Variants in UPK1B observed in about 807,000 individuals in gnomAD.
UPK1B encodes the protein uroplakin 1B.
UPK1B carries 28 observed loss-of-function variants against 34.2 expected under a neutral mutation model. The observed-to-expected ratio is 0.82, with a 90% CI of 0.61 to 1.12. The LOEUF (loss-of-function observed/expected upper bound fraction) is 1.12, where lower values mean the gene tolerates loss of function less well. Among genes scored for constraint, UPK1B ranks in the 50% most tolerant of loss-of-function variants. The pLI, the probability that UPK1B is intolerant of heterozygous loss-of-function variation, is 0.00. For synonymous variants in UPK1B, 81 were observed against 110.4 expected, an observed-to-expected ratio of 0.73 and a Z score of 1.67; for missense variants, 325 against 320.9, an observed-to-expected ratio of 1.01 and a Z score of -0.10.
intron 6 of UPK1B, among the ~76,000 whole-genome samples, chr3:119,198,242 G>A (rs2078075359): frequency 6.6e-6 from 1 of 152,212 alleles, no homozygotes; most frequent in African/African-American, 2.4e-5. Context: ...AACCTCCTCT[G>A]GTAGTGGAAG....
chr3:119,184,649 C>G (rs999668912), intron 1 of UPK1B, among the ~76,000 whole-genome samples: 1 of 151,970 alleles, frequency 6.6e-6, no homozygotes, highest in African/African-American at 2.4e-5. Flanking sequence ...TAGCTTGAAC[C>G]TGAGAGGCGG....
At chr3:119,179,732 C>T (rs2107425530) in intron 1 of UPK1B, among the ~76,000 whole-genome samples, 1 of 142,940 alleles carries the variant, frequency 7.0e-6, no homozygotes, top group Middle Eastern at 3.8e-3. Flanking sequence ...TGGTCTCCAT[C>T]TCCTGACCTC....
chr3:119,203,830 G>A, intron 7 of UPK1B, 87 bp from the exon 8 acceptor site: 1 of 1,396,584 alleles, frequency 7.2e-7, no homozygotes, highest in South Asian at 1.2e-5. Flanking sequence ...ACCTAAGCCT[G>A]AATGAACCTA....
At chr3:119,177,919 T>G (rs745714465) in intron 1 of UPK1B, among the ~76,000 whole-genome samples, 10 of 152,082 alleles carry the variant, frequency 6.6e-5, no homozygotes, top group Non-Finnish European at 1.2e-4. Flanking sequence ...GAGAGGGATA[T>G]AGGGAAGGAA....
intron 4 of UPK1B, 104 bp from the exon 5 acceptor site, chr3:119,190,878 A>C: frequency 1.3e-6 from 2 of 1,504,846 alleles, no homozygotes; most frequent in Admixed American, 1.8e-5. Flanking sequence ...TTGCTCCAGG[A>C]GAGAATGTTC....
intron 5 of UPK1B, among the ~76,000 whole-genome samples, chr3:119,192,797 A>T (rs190721401): frequency 6.6e-6 from 1 of 152,226 alleles, no homozygotes; most frequent in African/African-American, 2.4e-5. Flanking sequence ...CTGCCTCATC[A>T]GTTTCTCCCT....
intron 7 of UPK1B, among the ~76,000 whole-genome samples, chr3:119,201,428 G>A (rs867731456): frequency 1.3e-5 from 2 of 152,128 alleles, no homozygotes; most frequent in African/African-American, 4.8e-5. Flanking sequence ...CTTACATGAC[G>A]GCAGGCAACA....
intron 6 of UPK1B, among the ~76,000 whole-genome samples, chr3:119,198,260 G>A (rs2078075401): frequency 6.6e-6 from 1 of 152,212 alleles, no homozygotes; most frequent in African/African-American, 2.4e-5. Context: ...AAGATGGGGT[G>A]AGAGGCAGAG....
chr3:119,201,278 G>A (rs1484413258), intron 7 of UPK1B, among the ~76,000 whole-genome samples: 1 of 152,086 alleles, frequency 6.6e-6, no homozygotes, highest in Non-Finnish European at 1.5e-5. Context: ...ATGTGTATTA[G>A]TCCATTTTCA....
chr3:119,174,790 T>C (rs2077945326), intron 1 of UPK1B, among the ~76,000 whole-genome samples: 1 of 152,054 alleles, frequency 6.6e-6, no homozygotes, highest in Admixed American at 6.6e-5. Flanking sequence ...ATTTTCTTTT[T>C]ATTAACCTTC....
intron 4 of UPK1B, 39 bp from the exon 5 acceptor site, chr3:119,190,943 T>C: frequency 6.2e-7 from 1 of 1,607,886 alleles, no homozygotes; most frequent in Non-Finnish European, 8.5e-7. Flanking sequence ...AAAATTAGCG[T>C]GCTATCTCTC....
At chr3:119,179,715 G>C (rs1340715715) in intron 1 of UPK1B, among the ~76,000 whole-genome samples, 4 of 142,776 alleles carry the variant, frequency 2.8e-5, no homozygotes, top group Non-Finnish European at 6.0e-5. Context: ...CACCGTGTTA[G>C]CCAGGATGGT....
At position 119,199,040 on chromosome 3, in the gene UPK1B, ATTGCCCACTCC is replaced by A. The variant is rs1411959634; in HGVS notation, c.649-14_649-4del. 5.6e-6 allele frequency: 9 copies of A among 1,613,698 alleles called. No homozygotes were observed. In the Admixed American group the frequency reaches 1.0e-4, roughly 18 times the overall value. ...CTGGTTCTTCTCACACTAATGTGGAATTGCCCACTCCTTCAGGGCTGCTATGAACTGATCTC... is the reference window on the plus strand; with the variant it reads ...CTGGTTCTTCTCACACTAATGTGGAATTCAGGGCTGCTATGAACTGATCTC... On this transcript the variant is annotated splice_polypyrimidine_tract_variant and splice_region_variant and intron_variant, in intron 6 of 7. Transcript: ENST00000264234.
At chr3:119,174,515 G>A (rs1199388288) in intron 1 of UPK1B, among the ~76,000 whole-genome samples, 1 of 151,824 alleles carries the variant, frequency 6.6e-6, no homozygotes, top group Non-Finnish European at 1.5e-5. Flanking sequence ...CAGCTATTCG[G>A]GAAGCTGAGG....
At chr3:119,178,736 G>A (rs1264353830) in intron 1 of UPK1B, among the ~76,000 whole-genome samples, 1 of 152,138 alleles carries the variant, frequency 6.6e-6, no homozygotes, top group Non-Finnish European at 1.5e-5. Context: ...ATTAGGAAAT[G>A]ACTGGAATCA....
chr3:119,188,898 G>A (rs531366353), intron 3 of UPK1B, among the ~76,000 whole-genome samples: 1 of 152,260 alleles, frequency 6.6e-6, no homozygotes, highest in Non-Finnish European at 1.5e-5. Context: ...ACTAACCACT[G>A]TCCTGGTTCC....
intron 1 of UPK1B, among the ~76,000 whole-genome samples, chr3:119,179,537 T>C (rs2077978603): frequency 8.8e-6 from 1 of 113,066 alleles, no homozygotes; most frequent in Non-Finnish European, 1.8e-5. Context: ...TGAGACGGAG[T>C]CTCGCTCTGT....
At chr3:119,198,513 T>G (rs998133711) in intron 6 of UPK1B, among the ~76,000 whole-genome samples, 3 of 152,220 alleles carry the variant, frequency 2.0e-5, no homozygotes, top group African/African-American at 7.2e-5. Flanking sequence ...ACTGTGACCC[T>G]TCAAGGTCTC....
intron 3 of UPK1B, among the ~76,000 whole-genome samples, chr3:119,188,369 T>C (rs978148951): frequency 6.6e-6 from 1 of 152,256 alleles, no homozygotes; most frequent in East Asian, 1.9e-4. Flanking sequence ...AACATTTTGA[T>C]ATTAATTAGG....
Sources: gnomAD v4.1 joint callset for allele counts (sites outside exome capture counted in the v4.1 genomes callset) on GRCh38, gnomAD v4.1.1 for gene constraint, MANE v1.5 for transcripts, NCBI Gene and HGNC (gene_info 2026-07-23, HGNC 2026-07-21) for gene names.